Variants in PDE11A observed in about 807,000 individuals in gnomAD.
PDE11A encodes dual 3',5'-cyclic-AMP and -GMP phosphodiesterase 11A.
A neutral mutation model predicts 100.5 loss-of-function variants in PDE11A; 100 were observed. The ratio of observed to expected loss-of-function variants is 1.00; its 90% CI spans 0.85 to 1.18. The LOEUF is 1.18. PDE11A is among the 50% of genes most tolerant of loss of function. The pLI, the probability that PDE11A is intolerant of heterozygous loss-of-function variation, is 0.00. For synonymous variants in PDE11A, 381 were observed against 420.8 expected (o/e 0.91, Z 1.16); for missense variants, 1,141 against 1,152.6 (o/e 0.99, Z 0.15).
intron 18 of PDE11A, among the ~76,000 whole-genome samples, chr2:177,666,505 A>G (rs774866259): frequency 5.3e-5 from 8 of 152,208 alleles, no homozygotes; most frequent in Admixed American, 1.3e-4. Context: ...ACCATTTTAC[A>G]TTCCTGCTAA....
rs374304763 is a variant in PDE11A, at chr2:177,655,539, T to G, written c.2646+8327A>C. Among the ~76,000 whole-genome samples the G allele has an allele frequency of 2.0e-4, 31 of 151,574 alleles. 1 individual carries two copies. In the East Asian group the frequency reaches 5.0e-3, roughly 25 times the overall value. ...CAGCACGTTCTTTTTTACTTTTCCT[T>G]TCTTTCTTTTTTTTAAAGAGATGGG... is the stretch of plus-strand genomic sequence containing the variant. On this transcript the variant is annotated intron_variant, in intron 19 of 19. Transcript: ENST00000286063.
chr2:177,726,664 T>TG (rs1553542147), intron 12 of PDE11A, among the ~76,000 whole-genome samples: 3 of 151,456 alleles, frequency 2.0e-5, no homozygotes, highest in East Asian at 1.9e-4. Flanking sequence ...GGCAGAGTTT[T>TG]TTTTTTTTTT....
intron 10 of PDE11A, among the ~76,000 whole-genome samples, chr2:177,734,238 C>T (rs1053476046): frequency 6.6e-5 from 10 of 152,014 alleles, no homozygotes; most frequent in Non-Finnish European, 1.5e-4. Flanking sequence ...GGAATGAACC[C>T]AAATTGTTAC....
intron 2 of PDE11A, among the ~76,000 whole-genome samples, chr2:178,002,201 T>A (rs1259112487): frequency 6.6e-6 from 1 of 152,202 alleles, no homozygotes; most frequent in Non-Finnish European, 1.5e-5. Flanking sequence ...AACTTGCTTA[T>A]GATGATGGCC....
At chr2:177,924,836 G>A (rs377306828) in intron 2 of PDE11A, among the ~76,000 whole-genome samples, 1,569 of 144,914 alleles carry the variant, frequency 0.011, 23 homozygotes, top group East Asian at 0.07. Flanking sequence ...CCACTAACTC[G>A]TCATCTAGCA....
chr2:177,854,259 A>T (rs1277617631), intron 5 of PDE11A, among the ~76,000 whole-genome samples: 2 of 152,066 alleles, frequency 1.3e-5, no homozygotes, highest in Non-Finnish European at 2.9e-5. Context: ...TGACAAGCTC[A>T]TTGGTCTGAA....
chr2:177,776,161 G>A (rs2082374592), intron 9 of PDE11A, among the ~76,000 whole-genome samples: 1 of 152,108 alleles, frequency 6.6e-6, no homozygotes, highest in African/African-American at 2.4e-5. Flanking sequence ...AATGTAGGTA[G>A]GATCACCAGT....
intron 2 of PDE11A, among the ~76,000 whole-genome samples, chr2:177,999,447 T>C (rs981634853): frequency 3.9e-5 from 6 of 152,216 alleles, no homozygotes; most frequent in South Asian, 4.1e-4. Flanking sequence ...ACAAACAAAA[T>C]TGATGTCGAT....
chr2:177,857,266 C>G (rs149869425), intron 5 of PDE11A, among the ~76,000 whole-genome samples: 186 of 151,968 alleles, frequency 1.2e-3, no homozygotes, highest in Admixed American at 2.1e-3. Flanking sequence ...AAATTTGTTT[C>G]CAGTAGACCT....
intron 3 of PDE11A, chr2:177,899,663 A>T (rs1396667505): frequency 1.1e-5 from 2 of 189,032 alleles, no homozygotes; most frequent in Admixed American, 1.3e-4. Flanking sequence ...TATGTAATTT[A>T]CATTTAGTCT....
chr2:177,762,864 C>T (rs942718080), intron 10 of PDE11A, among the ~76,000 whole-genome samples: 1 of 152,066 alleles, frequency 6.6e-6, no homozygotes, highest in Admixed American at 6.6e-5. Context: ...TTTGGTCAGG[C>T]GGGTCCTTGA....
intron 2 of PDE11A, among the ~76,000 whole-genome samples, chr2:177,907,168 A>G (rs377478486): frequency 6.6e-6 from 1 of 151,980 alleles, no homozygotes; most frequent in African/African-American, 2.4e-5. Flanking sequence ...CTGAATTTTA[A>G]ATCAAATAAT....
Position 178,060,528 on chromosome 2 carries a change from T to C in PDE11A, c.912+10998A>G, listed in dbSNP as rs529957178. ...CTTGGCAACCTCTTAAGACAGAAGGTATCATTATCCTCATTTTAGAATTGC... is the reference window on the plus strand; with the variant it reads ...CTTGGCAACCTCTTAAGACAGAAGGCATCATTATCCTCATTTTAGAATTGC... On this transcript the variant is annotated intron_variant, in intron 1 of 19. Coordinates refer to ENST00000286063, the MANE Select transcript of PDE11A (RefSeq NM_016953.4). 7.2e-5 allele frequency among the ~76,000 whole-genome samples: 11 copies of C among 152,284 alleles called. No homozygotes were observed. The East Asian group carries it at 2.1e-3, about 29-fold the overall frequency.
chr2:177,794,047 G>C (rs560278667), intron 9 of PDE11A, among the ~76,000 whole-genome samples: 1 of 152,184 alleles, frequency 6.6e-6, no homozygotes, highest in South Asian at 2.1e-4. Flanking sequence ...CCAGTATGGG[G>C]CTTATGATCT....
chr2:177,793,479 C>T lies in PDE11A; in HGVS notation c.1737+23350G>A, dbSNP rs928334682. Among the ~76,000 whole-genome samples the T allele has an allele frequency of 3.6e-5, 5 of 138,284 alleles. No individual in the cohort carries two copies. The South Asian group carries it at 1.2e-3, about 32-fold the overall frequency. The allele number at this position is 138,284 out of a possible 152,430, so 90.7% of individuals were successfully genotyped here. A position where few individuals can be genotyped will look rare whatever the true frequency, so the allele number is the denominator to read the frequency against. ...GTGGATGTGGGAGGGAAAACAGTGG[C>T]TGGATGAGGATGGTGGATGCGAGAC... On this transcript the variant is annotated intron_variant, in intron 9 of 19. Coordinates refer to ENST00000286063, the MANE Select transcript of PDE11A (RefSeq NM_016953.4).
At chr2:177,950,064 C>CT (rs1322041957) in intron 2 of PDE11A, among the ~76,000 whole-genome samples, 2 of 152,190 alleles carry the variant, frequency 1.3e-5, no homozygotes, top group African/African-American at 4.8e-5. Flanking sequence ...GTGATTCAAA[C>CT]TTACAATAAT....
At chr2:177,806,835 T>G (rs1020325469) in intron 9 of PDE11A, among the ~76,000 whole-genome samples, 10 of 151,992 alleles carry the variant, frequency 6.6e-5, no homozygotes, top group Non-Finnish European at 8.8e-5. Context: ...TTAATAACAG[T>G]TGGTAAGTTT....
chr2:177,937,989 T>C (rs573191316), intron 2 of PDE11A, among the ~76,000 whole-genome samples: 1 of 152,304 alleles, frequency 6.6e-6, no homozygotes, highest in African/African-American at 2.4e-5. Flanking sequence ...CTGTGAGTAT[T>C]ACCAATATTT....
intron 16 of PDE11A, among the ~76,000 whole-genome samples, chr2:177,677,465 C>T (rs2080793531): frequency 6.6e-6 from 1 of 152,102 alleles, no homozygotes; most frequent in African/African-American, 2.4e-5. Context: ...ACAGGACAGG[C>T]TGAGAGGTAG....
Sources: allele counts gnomAD v4.1 joint callset (sites outside exome capture counted in the v4.1 genomes callset), GRCh38; gene constraint gnomAD v4.1.1; transcripts MANE v1.5; gene names NCBI Gene and HGNC (gene_info 2026-07-23, HGNC 2026-07-21).